CSMD1: variants seen among roughly 807,000 people sequenced by gnomAD.
CSMD1 encodes CUB and Sushi multiple domains 1, also known as CUB and sushi domain-containing protein 1.
Under a neutral mutation model 417.5 loss-of-function variants are expected in CSMD1, and 213 were observed. The observed-to-expected ratio is 0.51, with a 90% CI of 0.46 to 0.57. The LOEUF (loss-of-function observed/expected upper bound fraction) is 0.57. CSMD1 is among the 20% of genes least tolerant of loss of function. The pLI, the probability that CSMD1 is intolerant of heterozygous loss-of-function variation, is 0.00. For missense variants in CSMD1, 6,923 were observed against 4,529.7 expected, an observed-to-expected ratio of 1.53 and a Z score of -15.17; for synonymous variants, 2,862 against 1,736.8, an observed-to-expected ratio of 1.65 and a Z score of -16.11.
At chr8:3,876,452 G>C (rs1805828310) in intron 5 of CSMD1, among the ~76,000 whole-genome samples, 1 of 152,134 alleles carries the variant, frequency 6.6e-6, no homozygotes, top group South Asian at 2.1e-4. Context: ...TTTTATTCCT[G>C]TCTCTTGTTG....
chr8:3,558,386 C>CGTGTCCACTCCTCCAATGATGAATG (rs1799277865), intron 10 of CSMD1, among the ~76,000 whole-genome samples: 1 of 143,086 alleles, frequency 7.0e-6, no homozygotes, highest in Admixed American at 7.0e-5. Context: ...AGTAGTACCC[C>CGTGTCCACTCCTCCAATGATGAATG]GTGTCCACTT....
chr8:4,355,172 G>C (rs112237551), intron 3 of CSMD1, among the ~76,000 whole-genome samples: 118 of 152,108 alleles, frequency 7.8e-4, no homozygotes, highest in Non-Finnish European at 1.4e-3. Context: ...TGAGGCAGGA[G>C]AATGGCGTGA....
chr8:3,636,144 A>G (rs972173968), intron 7 of CSMD1, among the ~76,000 whole-genome samples: 1 of 152,218 alleles, frequency 6.6e-6, no homozygotes, highest in African/African-American at 2.4e-5. Context: ...GCCTAGGCCT[A>G]CAACACAGGG....
chr8:4,407,669 C>G (rs898437583), intron 3 of CSMD1, among the ~76,000 whole-genome samples: 3 of 152,130 alleles, frequency 2.0e-5, no homozygotes, highest in African/African-American at 7.2e-5. Context: ...TCTTTGTGAA[C>G]TTCATACAAA....
At chr8:3,838,391 A>G (rs1213358516) in intron 5 of CSMD1, among the ~76,000 whole-genome samples, 1 of 128,802 alleles carries the variant, frequency 7.8e-6, no homozygotes. Context: ...CGCACTATAT[A>G]TATAGCCTAT....
At chr8:4,676,696 T>C (rs909126033) in intron 1 of CSMD1, among the ~76,000 whole-genome samples, 1 of 152,060 alleles carries the variant, frequency 6.6e-6, no homozygotes, top group Non-Finnish European at 1.5e-5. Flanking sequence ...AGCGTATCAA[T>C]GTCACGTCAT....
At chr8:4,681,077 C>A (rs1014768241) in intron 1 of CSMD1, among the ~76,000 whole-genome samples, 2 of 151,408 alleles carry the variant, frequency 1.3e-5, no homozygotes, top group Non-Finnish European at 2.9e-5. Context: ...ATTATGGCTA[C>A]GTAATGAAAA....
chr8:4,680,969 TGTGTGTGA>T (rs1416224031), intron 1 of CSMD1, among the ~76,000 whole-genome samples: 106 of 123,408 alleles, frequency 8.6e-4, no homozygotes, highest in African/African-American at 3.0e-3. Flanking sequence ...TGTGTGTGTG[TGTGTGTGA>T]GAGAGAGAGA....
chr8:4,521,232 C>T (rs1055020188), intron 2 of CSMD1, among the ~76,000 whole-genome samples: 1 of 151,866 alleles, frequency 6.6e-6, no homozygotes. Context: ...CAAAAAAGAA[C>T]CAGAATGATA....
At chr8:3,349,717 G>C (rs532888350) in intron 21 of CSMD1, among the ~76,000 whole-genome samples, 1 of 145,998 alleles carries the variant, frequency 6.8e-6, no homozygotes, top group South Asian at 2.1e-4. Context: ...CTCACGAGTA[G>C]GTGTATATAT....
At chr8:4,743,507 C>G (rs1444895372) in intron 1 of CSMD1, among the ~76,000 whole-genome samples, 1 of 152,134 alleles carries the variant, frequency 6.6e-6, no homozygotes, top group Non-Finnish European at 1.5e-5. Context: ...CCATGAACCT[C>G]CTGCTTTGAG....
intron 12 of CSMD1, among the ~76,000 whole-genome samples, chr8:3,462,266 G>A (rs1311806937): frequency 2.0e-5 from 3 of 152,122 alleles, no homozygotes; most frequent in African/African-American, 7.2e-5. Context: ...CTTCAGTTTG[G>A]AAGACTATAC....
intron 7 of CSMD1, among the ~76,000 whole-genome samples, chr8:3,685,462 T>C (rs955642309): frequency 2.6e-5 from 4 of 152,166 alleles, no homozygotes; most frequent in African/African-American, 9.7e-5. Context: ...TTTAATCGGA[T>C]GCTGCAGCCG....
intron 5 of CSMD1, among the ~76,000 whole-genome samples, chr8:3,890,907 C>A (rs1247481272): frequency 6.6e-6 from 1 of 152,262 alleles, no homozygotes; most frequent in South Asian, 2.1e-4. Context: ...GCTACTCTCT[C>A]ATAGGACTAT....
chr8:2,951,664 T>C lies in CSMD1; in HGVS notation c.10040-389A>G, dbSNP rs1378376486. On this transcript the variant is annotated intron_variant, in intron 65 of 69. Transcript: ENST00000635120. Reference sequence around the variant, plus strand: ...GAAATCACTACTGATATTTCAATGATATCCAAGTCTACTCTTTGAAAGACT... The same window carrying C: ...GAAATCACTACTGATATTTCAATGACATCCAAGTCTACTCTTTGAAAGACT... Among the ~76,000 whole-genome samples, 6 of 152,148 alleles carry C rather than the reference T, an allele frequency of 3.9e-5. No homozygotes were observed. In the South Asian group the frequency reaches 1.0e-3, roughly 26 times the overall value.
chr8:4,693,131 C>G (rs141714116), intron 1 of CSMD1, among the ~76,000 whole-genome samples: 1 of 152,320 alleles, frequency 6.6e-6, no homozygotes, highest in East Asian at 1.9e-4. Context: ...TTCTGAGTGT[C>G]AGGGTTGCTC....
intron 5 of CSMD1, among the ~76,000 whole-genome samples, chr8:3,829,007 C>G (rs1802215409): frequency 6.6e-6 from 1 of 152,048 alleles, no homozygotes; most frequent in Non-Finnish European, 1.5e-5. Context: ...CCTCTGTCTA[C>G]AATCACCTTT....
At chr8:3,953,885 G>A (rs985458744) in intron 5 of CSMD1, among the ~76,000 whole-genome samples, 1 of 152,206 alleles carries the variant, frequency 6.6e-6, no homozygotes, top group Non-Finnish European at 1.5e-5. Flanking sequence ...GTGCTGTGCA[G>A]GCCCCAGGAC....
At chr8:4,781,847 T>C (rs1797166269) in intron 1 of CSMD1, among the ~76,000 whole-genome samples, 1 of 152,222 alleles carries the variant, frequency 6.6e-6, no homozygotes, top group South Asian at 2.1e-4. Flanking sequence ...TTCCATATTT[T>C]AGTTTACATA....
Sources: gnomAD v4.1 joint callset for allele counts (sites outside exome capture counted in the v4.1 genomes callset) on GRCh38, gnomAD v4.1.1 for gene constraint, MANE v1.5 for transcripts, NCBI Gene and HGNC (gene_info 2026-07-23, HGNC 2026-07-21) for gene names.